Variants in CLDN14 observed in about 807,000 individuals in gnomAD.
The protein encoded by CLDN14 is claudin-14.
A neutral mutation model predicts 2.1 loss-of-function variants in CLDN14; 2 were observed. The observed-to-expected ratio is 0.96, with a 90% CI of 0.39 to 3.01. The LOEUF is 3.01. Among genes scored for constraint, CLDN14 ranks in the 30% most tolerant of loss-of-function variants. The probability of loss-of-function intolerance (pLI) is 0.09; values close to 1 mark genes in which losing one functional copy is unlikely to be tolerated. For synonymous variants in CLDN14, 136 were observed against 154.4 expected (o/e 0.88, Z 0.88); for missense variants, 298 against 328.0 (o/e 0.91, Z 0.71).
At chr21:36,468,767 CT>C (rs1002172215) in intron 1 of CLDN14, among the ~76,000 whole-genome samples, 10 of 139,256 alleles carry the variant, frequency 7.2e-5, no homozygotes, top group East Asian at 2.0e-4. Context: ...TTCTTTCTTT[CT>C]TTTTTTTTTG....
chr21:36,507,884 C>T (rs756298221), intron 2 of CLDN14, among the ~76,000 whole-genome samples: 16 of 152,182 alleles, frequency 1.1e-4, no homozygotes, highest in Admixed American at 3.9e-4. Flanking sequence ...TTTAATTCCA[C>T]CCTGCACAGT....
Position 36,461,612 on chromosome 21 carries a change from C to G in CLDN14, c.84G>C (p.Pro28=). The G allele has an allele frequency of 6.2e-7, 1 of 1,602,402 alleles. No individual in the cohort carries two copies. The highest frequency in any genetic ancestry group is 8.5e-7 in the Non-Finnish European group (1 of 1,174,990). The change falls in exon 2 of 2, where the codon CCG becomes CCC. Residue 28 remains proline, a synonymous_variant. Coordinates refer to ENST00000399135, the MANE Select transcript of CLDN14 (RefSeq NM_001146079.2). ...MVGTLITTIL[P]HWRRTAHVGT... ...CCACGTGCGCTGTCCTCCGCCAGTGCGGCAGGATGGTGGTGATCAACGTGC... is the reference window on the plus strand; with the variant it reads ...CCACGTGCGCTGTCCTCCGCCAGTGGGGCAGGATGGTGGTGATCAACGTGC...
At chr21:36,462,547 CA>C (rs2086591716) in intron 1 of CLDN14, among the ~76,000 whole-genome samples, 1 of 152,124 alleles carries the variant, frequency 6.6e-6, no homozygotes, top group South Asian at 2.1e-4. Flanking sequence ...TGAGCCCTTT[CA>C]AAGGCTTTTA....
intron 1 of CLDN14, among the ~76,000 whole-genome samples, chr21:36,539,744 G>T (rs12626551): frequency 6.7e-6 from 1 of 150,048 alleles, no homozygotes; most frequent in Non-Finnish European, 1.5e-5. Flanking sequence ...GTATGTGTGC[G>T]GAGTGAGTAT....
In CLDN14 at chr21:36,485,489, G is replaced by A. The variant is rs1367443302; in HGVS notation, c.-81-23713C>T. ...ATCCCAAAGTGTTGATATTACAGGC[G>A]TGAGCCACTGTGCCTGGCCAAGGCT... On this transcript the variant is annotated intron_variant, in intron 2 of 2. Coordinates refer to the CLDN14 transcript ENST00000342108. 3.3e-5 allele frequency among the ~76,000 whole-genome samples: 5 copies of A among 152,222 alleles called. No homozygotes were observed. In the East Asian group the frequency reaches 5.8e-4, roughly 18 times the overall value.
rs201532735 is a variant in CLDN14, at chr21:36,538,631, GA to G, written c.-219-28132del. ...TCGTCTCAAAGGAAAAAAAGAGAGAGAAAAAAAAGAAGAGACAGCATTTCAG... is the reference window on the plus strand; with the variant it reads ...TCGTCTCAAAGGAAAAAAAGAGAGAGAAAAAAAGAAGAGACAGCATTTCAG... On this transcript the variant is annotated intron_variant, in intron 1 of 2. Coordinates refer to the CLDN14 transcript ENST00000342108. 1.3e-3 allele frequency among the ~76,000 whole-genome samples: 61 copies of G among 46,326 alleles called. 1 individual carries two copies. The highest frequency in any genetic ancestry group is 0.011 in the South Asian group (10 of 906). The allele number at this position is 46,326 out of a possible 152,430, so 30.4% of individuals were successfully genotyped here. A position where few individuals can be genotyped will look rare whatever the true frequency, so the allele number is the denominator to read the frequency against.
chr21:36,514,425 C>T (rs996593831), intron 1 of CLDN14, among the ~76,000 whole-genome samples: 1 of 152,110 alleles, frequency 6.6e-6, no homozygotes, highest in African/African-American at 2.4e-5. Flanking sequence ...GGGGGAAAGC[C>T]CACTGCAGGT....
chr21:36,486,983 T>A, intron 2 of CLDN14: 1 of 390,858 alleles, frequency 2.6e-6, no homozygotes, highest in Non-Finnish European at 4.9e-6. Context: ...TGGATTTTGT[T>A]TAATTTTTTT....
At chr21:36,468,339 G>T (rs954031104) in intron 1 of CLDN14, among the ~76,000 whole-genome samples, 1 of 152,174 alleles carries the variant, frequency 6.6e-6, no homozygotes, top group Non-Finnish European at 1.5e-5. Context: ...CATTTTGGGA[G>T]GCTGAGGTGG....
chr21:36,557,042 T>C lies in CLDN14; in HGVS notation c.-220+19369A>G, dbSNP rs111788471. ...TCCTCATATAGGTGGGCTCAAACAG[T>C]ATTTGCCTTTCTGTGACTGGCTTAC... On this transcript the variant is annotated intron_variant, in intron 1 of 2. Transcript: ENST00000342108. Among the ~76,000 whole-genome samples, 1,110 of 152,326 alleles carry C rather than the reference T, an allele frequency of 7.3e-3. 18 individuals carry two copies. The highest frequency in any genetic ancestry group is 0.025 in the African/African-American group (1,028 of 41,564).
At chr21:36,503,802 C>T (rs369751019) in intron 2 of CLDN14, among the ~76,000 whole-genome samples, 2 of 151,968 alleles carry the variant, frequency 1.3e-5, no homozygotes, top group South Asian at 2.1e-4. Context: ...TTGAATATAA[C>T]ACAACTAAAA....
intron 1 of CLDN14, among the ~76,000 whole-genome samples, chr21:36,557,925 T>C (rs1212825826): frequency 2.0e-5 from 3 of 152,210 alleles, no homozygotes; most frequent in African/African-American, 7.2e-5. Context: ...CTTAGGTTAA[T>C]CTTTAATCTA....
At chr21:36,518,597 T>TCAAACAAACAAA (rs34119785) in intron 1 of CLDN14, among the ~76,000 whole-genome samples, 10 of 150,758 alleles carry the variant, frequency 6.6e-5, no homozygotes, top group Non-Finnish European at 1.2e-4. Flanking sequence ...AGACTCTGTC[T>TCAAACAAACAAA]CAAACAAACA....
At chr21:36,529,996 T>A (rs995009681) in intron 1 of CLDN14, among the ~76,000 whole-genome samples, 3 of 152,190 alleles carry the variant, frequency 2.0e-5, no homozygotes, top group Admixed American at 6.5e-5. Context: ...GGGGATGGAC[T>A]TTGTTAGGAC....
intron 1 of CLDN14, among the ~76,000 whole-genome samples, chr21:36,467,215 G>T (rs1267436401): frequency 6.6e-6 from 1 of 152,144 alleles, no homozygotes; most frequent in African/African-American, 2.4e-5. Flanking sequence ...CTTTAAAAAA[G>T]CAGGGTTCTG....
At chr21:36,529,424 G>A (rs926219960) in intron 1 of CLDN14, among the ~76,000 whole-genome samples, 4 of 152,048 alleles carry the variant, frequency 2.6e-5, no homozygotes, top group African/African-American at 9.7e-5. Flanking sequence ...GAGTAGCTGG[G>A]ATTACAGGCA....
intron 1 of CLDN14, among the ~76,000 whole-genome samples, chr21:36,536,634 T>G (rs1207951515): frequency 6.6e-6 from 1 of 152,164 alleles, no homozygotes; most frequent in Non-Finnish European, 1.5e-5. Flanking sequence ...AGAGTGAAAT[T>G]TTGCGTTTAG....
chr21:36,573,457 C>T (rs2087723167), intron 1 of CLDN14, among the ~76,000 whole-genome samples: 1 of 152,096 alleles, frequency 6.6e-6, no homozygotes, highest in African/African-American at 2.4e-5. Context: ...AGAAGCTTAA[C>T]CAGGTGGTTG....
chr21:36,489,573 G>A (rs1365581704), intron 2 of CLDN14, among the ~76,000 whole-genome samples: 2 of 152,192 alleles, frequency 1.3e-5, no homozygotes, highest in African/African-American at 4.8e-5. Flanking sequence ...GTAGCTGATG[G>A]CAGGGCCTGG....
Sources: gnomAD v4.1 joint callset for allele counts (sites outside exome capture counted in the v4.1 genomes callset) on GRCh38, gnomAD v4.1.1 for gene constraint, MANE v1.5 for transcripts, NCBI Gene and HGNC (gene_info 2026-07-23, HGNC 2026-07-21) for gene names.